Variants in GRM8 observed in about 807,000 individuals in gnomAD.
The protein encoded by GRM8 is glutamate metabotropic receptor 8.
A neutral mutation model predicts 87.2 loss-of-function variants in GRM8; 47 were observed. The ratio of observed to expected loss-of-function variants is 0.54; its 90% confidence interval spans 0.43 to 0.69. The LOEUF is 0.69. Among genes scored for constraint, GRM8 ranks in the 30% least tolerant of loss-of-function variants. The probability of loss-of-function intolerance (pLI) is 0.00; values close to 1 mark genes in which losing one functional copy is unlikely to be tolerated. For missense variants in GRM8, 1,019 were observed against 1,139.2 expected, an observed-to-expected ratio of 0.89 and a Z score of 1.52; for synonymous variants, 396 against 404.5, an observed-to-expected ratio of 0.98 and a Z score of 0.25.
chr7:126,889,581 C>G (rs913377734), intron 6 of GRM8, among the ~76,000 whole-genome samples: 2 of 152,090 alleles, frequency 1.3e-5, no homozygotes, highest in African/African-American at 2.4e-5. Flanking sequence ...AAGTTAGGGA[C>G]AATCTCTAAT....
chr7:127,067,395 C>G (rs1471915558), intron 3 of GRM8, among the ~76,000 whole-genome samples: 1 of 152,150 alleles, frequency 6.6e-6, no homozygotes, highest in African/African-American at 2.4e-5. Flanking sequence ...TGTGACAGTT[C>G]ATGTAAACAG....
chr7:127,149,695 C>T (rs973174393), intron 2 of GRM8, among the ~76,000 whole-genome samples: 4 of 152,004 alleles, frequency 2.6e-5, no homozygotes, highest in African/African-American at 9.7e-5. Flanking sequence ...GCTTAAGAAA[C>T]CGTGGTACAA....
At chr7:127,044,363 G>C (rs910898892) in intron 3 of GRM8, among the ~76,000 whole-genome samples, 1 of 152,062 alleles carries the variant, frequency 6.6e-6, no homozygotes, top group Admixed American at 6.5e-5. Context: ...AATCTGGGTG[G>C]CTAACACACC....
At position 126,530,062 on chromosome 7, in the gene GRM8, A is replaced by G. The variant is rs146691219; in HGVS notation, c.2430+2890T>C. Among the ~76,000 whole-genome samples the G allele has an allele frequency of 3.4e-4, 52 of 152,330 alleles. No homozygotes were observed. In the East Asian group the frequency reaches 3.9e-3, roughly 11 times the overall value. On this transcript the variant is annotated intron_variant, in intron 9 of 10. Transcript: ENST00000339582. ...CAAAGGAATGTGGGGAAGTTAAATG[A>G]TATATCATTGAATAAAGGCACTTCA...
chr7:126,874,594 C>A (rs1799383002), intron 6 of GRM8, among the ~76,000 whole-genome samples: 1 of 152,040 alleles, frequency 6.6e-6, no homozygotes, highest in African/African-American at 2.4e-5. Context: ...TGTAAGTAAG[C>A]ATTTTTATTC....
intron 2 of GRM8, among the ~76,000 whole-genome samples, chr7:127,166,761 T>G (rs182772293): frequency 6.6e-6 from 1 of 152,188 alleles, no homozygotes; most frequent in Non-Finnish European, 1.5e-5. Context: ...TTTTGCACTC[T>G]CACATCCTTA....
intron 9 of GRM8, among the ~76,000 whole-genome samples, chr7:126,509,886 T>C (rs765223952): frequency 7.2e-5 from 11 of 152,094 alleles, no homozygotes; most frequent in South Asian, 4.1e-4. Flanking sequence ...AGGTGAGAAA[T>C]AGAACTTCAT....
At chr7:126,884,962 C>T (rs1800352568) in intron 6 of GRM8, among the ~76,000 whole-genome samples, 1 of 152,186 alleles carries the variant, frequency 6.6e-6, no homozygotes, top group South Asian at 2.1e-4. Flanking sequence ...TCTTGCTCAT[C>T]AGCAAACAGC....
chr7:127,189,691 T>C (rs758446080), intron 2 of GRM8, among the ~76,000 whole-genome samples: 4 of 152,100 alleles, frequency 2.6e-5, no homozygotes, highest in Non-Finnish European at 4.4e-5. Context: ...TGAAAAGAAG[T>C]CAAGGTCAAA....
intron 6 of GRM8, among the ~76,000 whole-genome samples, chr7:126,900,894 G>A (rs1172363577): frequency 6.6e-6 from 1 of 152,018 alleles, no homozygotes; most frequent in African/African-American, 2.4e-5. Context: ...TTTCTCCCCT[G>A]AACCCCAATC....
At chr7:126,554,681 T>C (rs901964382) in intron 8 of GRM8, among the ~76,000 whole-genome samples, 1 of 152,084 alleles carries the variant, frequency 6.6e-6, no homozygotes, top group African/African-American at 2.4e-5. Context: ...AATAGTCTGC[T>C]TAGAGGAAGA....
intron 3 of GRM8, among the ~76,000 whole-genome samples, chr7:127,045,677 ACCT>A (rs1818858786): frequency 6.6e-6 from 1 of 152,128 alleles, no homozygotes; most frequent in Non-Finnish European, 1.5e-5. Context: ...TGGCAATCCC[ACCT>A]CCACCATATA....
intron 3 of GRM8, among the ~76,000 whole-genome samples, chr7:127,025,982 CTAA>C (rs1355421209): frequency 6.6e-6 from 1 of 152,060 alleles, no homozygotes; most frequent in South Asian, 2.1e-4. Flanking sequence ...GGTATTTCTC[CTAA>C]TGTTATCCCT....
chr7:126,464,960 G>A (rs1804322685), intron 9 of GRM8, among the ~76,000 whole-genome samples: 1 of 151,590 alleles, frequency 6.6e-6, no homozygotes, highest in Admixed American at 6.6e-5. Flanking sequence ...AATAGTCTGT[G>A]TTTTTCTGTG....
At chr7:127,137,713 TA>T (rs1828022178) in intron 2 of GRM8, among the ~76,000 whole-genome samples, 2 of 152,090 alleles carry the variant, frequency 1.3e-5, no homozygotes, top group Admixed American at 6.5e-5. Flanking sequence ...TTTGCTTTGC[TA>T]TTAAAAAAAA....
At chr7:126,458,808 C>A (rs1803558377) in intron 9 of GRM8, among the ~76,000 whole-genome samples, 1 of 150,600 alleles carries the variant, frequency 6.6e-6, no homozygotes, top group South Asian at 2.1e-4. Flanking sequence ...TATTTGGAAA[C>A]CAAATATCAT....
At chr7:126,568,638 T>TA (rs1463335211) in intron 8 of GRM8, among the ~76,000 whole-genome samples, 1 of 152,150 alleles carries the variant, frequency 6.6e-6, no homozygotes, top group East Asian at 1.9e-4. Flanking sequence ...ATTAAACTGA[T>TA]AAAAAGTACT....
intron 2 of GRM8, among the ~76,000 whole-genome samples, chr7:127,150,954 T>G (rs781724702): frequency 4.6e-5 from 7 of 152,088 alleles, no homozygotes; most frequent in Non-Finnish European, 7.4e-5. Flanking sequence ...TTAAGAAGGT[T>G]GTTGTTTTTT....
intron 6 of GRM8, among the ~76,000 whole-genome samples, chr7:126,773,817 G>A (rs1325091257): frequency 6.6e-6 from 1 of 152,052 alleles, no homozygotes; most frequent in Non-Finnish European, 1.5e-5. Flanking sequence ...GCAGCAGAGT[G>A]AGACCCTGTC....
Sources: allele counts gnomAD v4.1 joint callset (sites outside exome capture counted in the v4.1 genomes callset), GRCh38; gene constraint gnomAD v4.1.1; transcripts MANE v1.5; gene names NCBI Gene and HGNC (gene_info 2026-07-23, HGNC 2026-07-21).